The following ATRNL1 variants were observed in gnomAD, a reference collection of about 807,000 sequenced individuals.
ATRNL1 encodes attractin-like protein 1.
In ATRNL1, 95 loss-of-function variants were observed where a neutral mutation model predicts 182.7. The ratio of observed to expected loss-of-function variants is 0.52; its 90% confidence interval spans 0.44 to 0.62. ATRNL1 has a LOEUF of 0.62. Among genes scored for constraint, ATRNL1 ranks in the 20% least tolerant of loss-of-function variants. The probability of loss-of-function intolerance (pLI) is 0.00; values close to 1 mark genes in which losing one functional copy is unlikely to be tolerated. For missense variants in ATRNL1, 1,471 were observed against 1,679.5 expected (o/e 0.88, Z 2.17); for synonymous variants, 576 against 568.3 (o/e 1.01, Z -0.19).
At chr10:115,907,732 TAA>T (rs1217046054) in intron 28 of ATRNL1, among the ~76,000 whole-genome samples, 2 of 151,842 alleles carry the variant, frequency 1.3e-5, no homozygotes, top group Non-Finnish European at 2.9e-5. Flanking sequence ...AATAAAATTA[TAA>T]AAAAATTTTA....
chr10:115,301,372 T>C (rs1280595466), intron 16 of ATRNL1, among the ~76,000 whole-genome samples: 3 of 152,234 alleles, frequency 2.0e-5, no homozygotes, highest in African/African-American at 7.2e-5. Context: ...TTTCCTATTA[T>C]TTTTAAATAA....
chr10:115,584,271 G>A (rs1162970229), intron 26 of ATRNL1, among the ~76,000 whole-genome samples: 2 of 133,800 alleles, frequency 1.5e-5, no homozygotes, highest in Non-Finnish European at 3.3e-5. Flanking sequence ...CTCATAACGA[G>A]TTAGGGAGGA....
intron 21 of ATRNL1, among the ~76,000 whole-genome samples, chr10:115,440,018 C>T (rs1285095999): frequency 6.6e-5 from 10 of 151,682 alleles, no homozygotes; most frequent in Non-Finnish European, 1.3e-4. Context: ...TTATTTATAT[C>T]GGTATGAACT....
intron 26 of ATRNL1, among the ~76,000 whole-genome samples, chr10:115,655,029 AGAGGAGG>A (rs1860246516): frequency 6.6e-6 from 1 of 152,182 alleles, no homozygotes; most frequent in South Asian, 2.1e-4. Flanking sequence ...AAGAGGGAAA[AGAGGAGG>A]GAGAGAGAAA....
At chr10:115,762,827 G>A (rs1218738180) in intron 27 of ATRNL1, among the ~76,000 whole-genome samples, 1 of 151,848 alleles carries the variant, frequency 6.6e-6, no homozygotes, top group African/African-American at 2.4e-5. Flanking sequence ...TTTCTTCAGT[G>A]GCTTAGAAAA....
chr10:115,867,290 A>G (rs1375176638), intron 28 of ATRNL1, among the ~76,000 whole-genome samples: 1 of 152,200 alleles, frequency 6.6e-6, no homozygotes, highest in Non-Finnish European at 1.5e-5. Flanking sequence ...ATAGAATTCC[A>G]TGCTGTCACT....
At chr10:115,650,101 C>A (rs1191053381) in intron 26 of ATRNL1, among the ~76,000 whole-genome samples, 2 of 152,072 alleles carry the variant, frequency 1.3e-5, no homozygotes, top group Non-Finnish European at 2.9e-5. Flanking sequence ...AAGCTTGTAT[C>A]AGCCAAGTTA....
intron 10 of ATRNL1, among the ~76,000 whole-genome samples, chr10:115,259,327 C>T (rs1289063154): frequency 3.3e-5 from 5 of 152,278 alleles, no homozygotes; most frequent in African/African-American, 7.2e-5. Flanking sequence ...TCAGCAATGG[C>T]GGATGCACCC....
intron 26 of ATRNL1, among the ~76,000 whole-genome samples, chr10:115,612,346 A>C (rs1857206279): frequency 6.6e-6 from 1 of 152,148 alleles, no homozygotes; most frequent in African/African-American, 2.4e-5. Context: ...TTAGTGTGCA[A>C]CTTCTTTCTT....
chr10:115,922,575 C>T (rs1490649106), intron 28 of ATRNL1, among the ~76,000 whole-genome samples: 1 of 152,126 alleles, frequency 6.6e-6, no homozygotes, highest in Non-Finnish European at 1.5e-5. Context: ...AAGTGATCCT[C>T]TCACCTTGGA....
intron 17 of ATRNL1, among the ~76,000 whole-genome samples, chr10:115,311,596 G>C (rs1282298485): frequency 2.0e-5 from 3 of 152,164 alleles, no homozygotes; most frequent in Admixed American, 2.0e-4. Flanking sequence ...TGCAGTTCTT[G>C]GGTAGAATGT....
chr10:115,851,066 T>C (rs1351093482), intron 28 of ATRNL1, among the ~76,000 whole-genome samples: 2 of 152,236 alleles, frequency 1.3e-5, no homozygotes, highest in African/African-American at 4.8e-5. Flanking sequence ...TATAGTACTT[T>C]GCATAATCTC....
intron 5 of ATRNL1, among the ~76,000 whole-genome samples, chr10:115,152,308 T>C (rs1215359831): frequency 6.6e-6 from 1 of 152,230 alleles, no homozygotes; most frequent in African/African-American, 2.4e-5. Flanking sequence ...CCTTTGGCAG[T>C]ATGGCCATTT....
intron 27 of ATRNL1, among the ~76,000 whole-genome samples, chr10:115,791,193 G>T (rs1555081724): frequency 6.6e-6 from 1 of 152,022 alleles, no homozygotes; most frequent in Admixed American, 6.6e-5. Context: ...TTTCAGTGAG[G>T]CCTTGCAGAG....
intron 27 of ATRNL1, among the ~76,000 whole-genome samples, chr10:115,738,125 G>GTTTTTT (rs1565334914): frequency 2.4e-4 from 13 of 53,194 alleles, no homozygotes; most frequent in African/African-American, 4.0e-4. Flanking sequence ...AGAAGATAAT[G>GTTTTTT]ATTTTTTTTT....
At chr10:115,167,434 A>G (rs1295217592) in intron 7 of ATRNL1, among the ~76,000 whole-genome samples, 4 of 152,066 alleles carry the variant, frequency 2.6e-5, no homozygotes, top group Non-Finnish European at 4.4e-5. Flanking sequence ...TATTTCTGCA[A>G]AAATGTTGGG....
At chr10:115,807,498 T>C (rs1949948842) in intron 27 of ATRNL1, among the ~76,000 whole-genome samples, 1 of 152,210 alleles carries the variant, frequency 6.6e-6, no homozygotes, top group Non-Finnish European at 1.5e-5. Flanking sequence ...AGGATTTCTC[T>C]TGCTGAGATT....
At chr10:115,194,813 G>T (rs1418089560) in intron 8 of ATRNL1, among the ~76,000 whole-genome samples, 1 of 148,890 alleles carries the variant, frequency 6.7e-6, no homozygotes, top group African/African-American at 2.5e-5. Context: ...TTTTCTGGTA[G>T]TATATTTTAA....
chr10:115,731,696 T>G (rs1041507831), intron 27 of ATRNL1, among the ~76,000 whole-genome samples: 1 of 150,800 alleles, frequency 6.6e-6, no homozygotes, highest in Non-Finnish European at 1.5e-5. Context: ...CACTGATTTT[T>G]GGTATATATA....
Sources: allele counts gnomAD v4.1 joint callset (sites outside exome capture counted in the v4.1 genomes callset), GRCh38; gene constraint gnomAD v4.1.1; transcripts MANE v1.5; gene names NCBI Gene and HGNC (gene_info 2026-07-23, HGNC 2026-07-21).